The following GEMIN8 variants were observed in gnomAD, a reference collection of about 807,000 sequenced individuals.
GEMIN8 encodes gem nuclear organelle associated protein 8.
For missense variants in GEMIN8, 185 were observed against 205.9 expected, an observed-to-expected ratio of 0.90 and a Z score of 0.62; for synonymous variants, 80 against 78.5, an observed-to-expected ratio of 1.02 and a Z score of -0.10.
Position 14,009,218 on chromosome X carries a change from A to G in GEMIN8, c.473-49T>C, listed in dbSNP as rs555075661. ...CATGAACATAAACACACGTGTGTGC[A>G]CTGCAGAAGGAGCCCAGTGAGTGCT... On this transcript the variant is annotated intron_variant, in intron 4 of 4. Coordinates refer to ENST00000680255, the MANE Select transcript of GEMIN8 (RefSeq NM_001042479.2). 116 of 1,161,742 alleles carry G rather than the reference A, an allele frequency of 1.0e-4. 3 individuals carry two copies. In the South Asian group the frequency reaches 2.0e-3, roughly 20 times the overall value.
At chrX:14,001,766 C>T (rs1344620239), downstream of GEMIN8, among the ~76,000 whole-genome samples, 14 of 110,469 alleles carry the variant, frequency 1.3e-4, 1 homozygote, top group Non-Finnish European at 1.9e-5. Flanking sequence ...TCGCCTCGGC[C>T]TCCCAGAGTG....
downstream of GEMIN8, among the ~76,000 whole-genome samples, chrX:14,005,313 G>A (rs922518518): frequency 9.0e-6 from 1 of 111,256 alleles, no homozygotes; most frequent in African/African-American, 3.3e-5. Context: ...GAAGGGAGAT[G>A]GGCTGATGGT....
At chrX:14,005,915 C>T (rs1923138330), downstream of GEMIN8, among the ~76,000 whole-genome samples, 1 of 111,107 alleles carries the variant, frequency 9.0e-6, no homozygotes, top group Non-Finnish European at 1.9e-5. Flanking sequence ...TTGTTTTTTC[C>T]ATCAGATATT....
At chrX:13,994,336 C>A in the GEMIN8 span, among the ~76,000 whole-genome samples, 1 of 111,351 alleles carries the variant, frequency 9.0e-6, no homozygotes, top group South Asian at 3.8e-4. Context: ...CTATTCATTC[C>A]GGGAAGCTGA....
Position 14,016,844 on chromosome X carries a change from C to CAAA in GEMIN8, c.472+3231_472+3233dup, listed in dbSNP as rs1174566527. Among the ~76,000 whole-genome samples, 8 of 22,571 alleles carry CAAA rather than the reference C, an allele frequency of 3.5e-4. No individual in the cohort carries two copies. In the East Asian group the frequency reaches 4.2e-3, roughly 12 times the overall value. 19.6% of individuals were successfully genotyped at this position (22,571 alleles called of 115,157 possible). On this transcript the variant is annotated intron_variant, in intron 4 of 4. Coordinates refer to ENST00000680255, the MANE Select transcript of GEMIN8 (RefSeq NM_001042479.2). ...TGGGTGACAGAGTAAGAATCTGTCT[C>CAAA]AAAAAAAAAAAAAAAAAAAAAAATA...
chrX:14,004,323 C>T (rs1923068534), downstream of GEMIN8, among the ~76,000 whole-genome samples: 1 of 112,175 alleles, frequency 8.9e-6, no homozygotes, highest in African/African-American at 3.2e-5. Flanking sequence ...TAGATGGGCA[C>T]TTAATTTGTT....
intron 1 of GEMIN8, among the ~76,000 whole-genome samples, chrX:14,028,367 A>C (rs1270827310): frequency 1.8e-5 from 2 of 112,443 alleles, no homozygotes. Flanking sequence ...CAAAAAACTG[A>C]CTATAAAGCA....
the GEMIN8 span, among the ~76,000 whole-genome samples, chrX:13,993,153 T>C: frequency 8.9e-6 from 1 of 112,244 alleles, no homozygotes; most frequent in South Asian, 3.7e-4. Flanking sequence ...TCTTGAGAAA[T>C]GGCTTTGTTC....
chrX:14,025,335 T>TA (rs1288683439), intron 2 of GEMIN8, among the ~76,000 whole-genome samples: 140 of 98,992 alleles, frequency 1.4e-3, no homozygotes, highest in South Asian at 7.4e-3. Context: ...TTCTTTGCTT[T>TA]AAAAAAAAAA....
At chrX:13,991,873 T>C in the GEMIN8 span, among the ~76,000 whole-genome samples, 1 of 112,461 alleles carries the variant, frequency 8.9e-6, no homozygotes, top group East Asian at 2.8e-4. Flanking sequence ...CTGTTGTGAC[T>C]GTTTACTGAG....
At chrX:14,020,644 A>T in intron 3 of GEMIN8, 110 bp from the exon 4 acceptor site, 1 of 519,637 alleles carries the variant, frequency 1.9e-6, no homozygotes, top group African/African-American at 2.7e-5. Flanking sequence ...AGTATTTGCT[A>T]AATACCTACC....
At chrX:14,018,298 C>T (rs1924066977) in intron 4 of GEMIN8, among the ~76,000 whole-genome samples, 1 of 112,429 alleles carries the variant, frequency 8.9e-6, no homozygotes, top group South Asian at 3.7e-4. Context: ...GGTGCAAGGA[C>T]ACATTTCATT....
At position 14,022,493 on chromosome X, in the gene GEMIN8, C is replaced by A. The variant is rs1320186673; in HGVS notation, c.-33-982G>T. 1.1e-4 allele frequency among the ~76,000 whole-genome samples: 12 copies of A among 111,808 alleles called. No individual in the cohort carries two copies. In the East Asian group the frequency reaches 1.4e-3, roughly 13 times the overall value. ...TAGCATTGCTCTGCTGAGATTTACT[C>A]CTTTTCTCTCTACCCACCTGTTGTG... On this transcript the variant is annotated intron_variant, in intron 2 of 4. Coordinates refer to ENST00000680255, the MANE Select transcript of GEMIN8 (RefSeq NM_001042479.2).
intron 2 of GEMIN8, among the ~76,000 whole-genome samples, chrX:14,024,261 G>A (rs182468682): frequency 1.8e-5 from 2 of 112,250 alleles, no homozygotes; most frequent in East Asian, 2.8e-4. Context: ...CACTTTGGGA[G>A]GCCGAGGTGG....
downstream of GEMIN8, among the ~76,000 whole-genome samples, chrX:14,006,418 C>T (rs754938701): frequency 3.1e-4 from 34 of 110,149 alleles, no homozygotes; most frequent in Non-Finnish European, 5.1e-4. Flanking sequence ...CTGTCACCAA[C>T]AGACAGAAGC....
chrX:13,989,376 T>G, the GEMIN8 span, among the ~76,000 whole-genome samples: 1 of 112,025 alleles, frequency 8.9e-6, no homozygotes, highest in African/African-American at 3.2e-5. Flanking sequence ...GTGTTGACAT[T>G]ACAGGCGTGA....
At chrX:13,995,393 T>C in the GEMIN8 span, among the ~76,000 whole-genome samples, 122 of 112,053 alleles carry the variant, frequency 1.1e-3, no homozygotes, top group African/African-American at 3.7e-3. Flanking sequence ...ATGTAAAGTG[T>C]TCAGTGCACA....
At chrX:14,019,991 T>C in intron 4 of GEMIN8, 87 bp downstream of exon 4, 3 of 506,107 alleles carry the variant, frequency 5.9e-6, no homozygotes, top group African/African-American at 2.4e-5. Flanking sequence ...AATGAAGAAT[T>C]ATAAAATTAC....
At chrX:14,009,249 T>A in intron 4 of GEMIN8, 80 bp from the exon 5 acceptor site, 3 of 973,693 alleles carry the variant, frequency 3.1e-6, no homozygotes, top group South Asian at 2.2e-5. Context: ...GTGCTGCTGC[T>A]GCTGGCCATG....
Sources: allele counts gnomAD v4.1 joint callset (sites outside exome capture counted in the v4.1 genomes callset), GRCh38; gene constraint gnomAD v4.1.1; transcripts MANE v1.5; gene names NCBI Gene and HGNC (gene_info 2026-07-23, HGNC 2026-07-21).